The following UQCRB variants were observed in gnomAD, a reference collection of about 807,000 sequenced individuals.
UQCRB encodes cytochrome b-c1 complex subunit 7.
UQCRB carries 12 observed loss-of-function variants against 19.8 expected under a neutral mutation model. That is an observed-to-expected ratio of 0.61 (90% CI 0.39 to 0.98). The LOEUF (loss-of-function observed/expected upper bound fraction) is 0.98, where lower values mean the gene tolerates loss of function less well. UQCRB is among the 50% of genes least tolerant of loss of function. UQCRB has a pLI of 0.00. For missense variants in UQCRB, 142 were observed against 131.8 expected, an observed-to-expected ratio of 1.08 and a Z score of -0.38; for synonymous variants, 39 against 42.9, an observed-to-expected ratio of 0.91 and a Z score of 0.35.
At position 96,223,051 on chromosome 8, in the gene UQCRB, G is replaced by C. The variant is rs555231542; in HGVS notation, c.*8004C>G. 2.6e-4 allele frequency among the ~76,000 whole-genome samples: 37 copies of C among 143,826 alleles called. No individual in the cohort carries two copies. The highest frequency in any genetic ancestry group is 9.8e-4 in the African/African-American group (34 of 34,646). 94.4% of individuals were successfully genotyped at this position (143,826 alleles called of 152,430 possible). ...TGGGAAGGATCAGGAAATGGGGAGA[G>C]GTAGGTCAAAGGATACACAAACTTG... On this transcript the variant is annotated 3_prime_UTR_variant, in exon 4 of 4. Coordinates refer to ENST00000287022, the MANE Select transcript of UQCRB (RefSeq NM_006294.5).
In UQCRB at chr8:96,228,967, A is replaced by G; in HGVS notation, c.*2088T>C. On this transcript the variant is annotated 3_prime_UTR_variant, in exon 4 of 4. Transcript: ENST00000287022. ...GATAATAGAAAGGCCCTCTCTTTCA[A>G]ATGAAAGGACTTCACTGATGGATTA... The G allele has an allele frequency of 2.2e-6, 1 of 454,114 alleles. No homozygotes were observed. Among genetic ancestry groups the G allele is most frequent in the Non-Finnish European group, 4.4e-6 (1 of 226,798 alleles). The allele number at this position is 454,114 out of a possible 1,614,324, so 28.1% of individuals were successfully genotyped here.
At chr8:96,233,960 T>C (rs757346478) in intron 1 of UQCRB, 2 of 152,696 alleles carry the variant, frequency 1.3e-5, no homozygotes, top group Non-Finnish European at 2.9e-5. Flanking sequence ...TTAAAACTGT[T>C]TGGGGAACAG....
Position 96,229,464 on chromosome 8 carries a change from T to C in UQCRB, c.*1591A>G, listed in dbSNP as rs1424365339. 11 of 453,994 alleles carry C rather than the reference T, an allele frequency of 2.4e-5. No homozygotes were observed. The Admixed American group carries it at 2.6e-4, about 11-fold the overall frequency. 28.1% of individuals were successfully genotyped at this position (453,994 alleles called of 1,614,324 possible). A position where few individuals can be genotyped will look rare whatever the true frequency, so the allele number is the denominator to read the frequency against. ...GCCTCAGTTGTAGTCTCCTTGTAAT[T>C]GTGCACAGTAGACGTCTGAACGAAT... On this transcript the variant is annotated 3_prime_UTR_variant, in exon 4 of 4. Transcript: ENST00000287022.
chr8:96,230,595 C>A lies in UQCRB; in HGVS notation c.*460G>T, dbSNP rs1218472251. 1 of 454,844 alleles carries A rather than the reference C, an allele frequency of 2.2e-6. No individual in the cohort carries two copies. Among genetic ancestry groups the A allele is most frequent in the Admixed American group, 2.3e-5 (1 of 42,592 alleles). 28.2% of individuals were successfully genotyped at this position (454,844 alleles called of 1,614,324 possible). A position where few individuals can be genotyped will look rare whatever the true frequency, so the allele number is the denominator to read the frequency against. ...GGAGTATGTATATTACTTAAGTATG[C>A]CTATGTTGGGGTGCAGACATAATTT... is the stretch of plus-strand genomic sequence containing the variant. On this transcript the variant is annotated 3_prime_UTR_variant, in exon 4 of 4. Coordinates refer to ENST00000287022, the MANE Select transcript of UQCRB (RefSeq NM_006294.5).
In UQCRB at chr8:96,228,410, C is replaced by T. The variant is rs1266903392; in HGVS notation, c.*2645G>A. ...TCAAAGCTGTCATGCAGATCCAGTT[C>T]CACTCTTCTCATCTCCAGCAGGTAC... is the stretch of plus-strand genomic sequence containing the variant. On this transcript the variant is annotated 3_prime_UTR_variant, in exon 4 of 4. Transcript: ENST00000287022. 3 of 453,958 alleles carry T rather than the reference C, an allele frequency of 6.6e-6. No homozygotes were observed. Among genetic ancestry groups the T allele is most frequent in the Non-Finnish European group, 1.3e-5 (3 of 226,800 alleles). The allele number at this position is 453,958 out of a possible 1,614,324, so 28.1% of individuals were successfully genotyped here.
chr8:96,232,034 C>T, intron 2 of UQCRB, 94 bp from the exon 3 acceptor site: 2 of 1,235,318 alleles, frequency 1.6e-6, no homozygotes, highest in Non-Finnish European at 2.3e-6. Context: ...TAACTTACAA[C>T]TTTTGGTGAA....
At chr8:96,231,348 CG>C (rs1809668993) in intron 3 of UQCRB, 2 of 1,545,726 alleles carry the variant, frequency 1.3e-6, no homozygotes, top group Admixed American at 2.0e-5. Context: ...GAAGTCTTTT[CG>C]GGAAGAAAAA....
At position 96,227,770 on chromosome 8, in the gene UQCRB, T is replaced by A. The variant is rs750229698; in HGVS notation, c.*3285A>T. On this transcript the variant is annotated 3_prime_UTR_variant, in exon 4 of 4. Transcript: ENST00000287022. ...GCTGAATCTTTTCATAAGTCAAAATTAGTGCAGAGTTAATGCTTGAAAAGG... is the reference window on the plus strand; with the variant it reads ...GCTGAATCTTTTCATAAGTCAAAATAAGTGCAGAGTTAATGCTTGAAAAGG... The A allele has an allele frequency of 8.8e-6, 4 of 453,626 alleles. No homozygotes were observed. The Admixed American group carries it at 9.4e-5, about 11-fold the overall frequency. The allele number at this position is 453,626 out of a possible 1,614,324, so 28.1% of individuals were successfully genotyped here. A position where few individuals can be genotyped will look rare whatever the true frequency, so the allele number is the denominator to read the frequency against.
rs1307116584 is a variant in UQCRB at position 96,230,794 on chromosome 8, T to G, written c.*261A>C. 4.9e-6 allele frequency: 3 copies of G among 611,948 alleles called. No homozygotes were observed. Among genetic ancestry groups the G allele is most frequent in the Admixed American group, 4.2e-5 (2 of 47,276 alleles). 37.9% of individuals were successfully genotyped at this position (611,948 alleles called of 1,614,324 possible). ...ATAAACTGATAGGCTATCCAACCAG[T>G]GAGGAAAACTGATAAAGTGGCTTCT... is the stretch of plus-strand genomic sequence containing the variant. On this transcript the variant is annotated 3_prime_UTR_variant, in exon 4 of 4. Transcript: ENST00000287022.
Position 96,227,706 on chromosome 8 carries a change from AT to A in UQCRB, c.*3348del. 2.2e-6 allele frequency: 1 copy of A among 453,790 alleles called. No homozygotes were observed. The highest frequency in any genetic ancestry group is 4.4e-6 in the Non-Finnish European group (1 of 226,628). The allele number at this position is 453,790 out of a possible 1,614,324, so 28.1% of individuals were successfully genotyped here. ...TAAAACTCCATCCTATTTGTGAAGG[AT>A]TATTACTTTGGGCTTTGGCCCAGTT... On this transcript the variant is annotated 3_prime_UTR_variant, in exon 4 of 4. Transcript: ENST00000287022.
chr8:96,225,396 G>A lies in UQCRB; in HGVS notation c.*5659C>T, dbSNP rs1419066201. 1.3e-5 allele frequency among the ~76,000 whole-genome samples: 2 copies of A among 152,146 alleles called. No homozygotes were observed. The highest frequency in any genetic ancestry group is 2.9e-5 in the Non-Finnish European group (2 of 68,032). On this transcript the variant is annotated 3_prime_UTR_variant, in exon 4 of 4. Coordinates refer to ENST00000287022, the MANE Select transcript of UQCRB (RefSeq NM_006294.5). ...ATTATAAACTTTTGAAAAGCAAATT[G>A]GAAGTCCAGTATTGAAAAACTTCAA...
At position 96,227,635 on chromosome 8, in the gene UQCRB, A is replaced by T. The variant is rs1179075312; in HGVS notation, c.*3420T>A. The T allele has an allele frequency of 8.8e-6, 4 of 453,946 alleles. No homozygotes were observed. Among genetic ancestry groups the T allele is most frequent in the Admixed American group, 4.7e-5 (2 of 42,546 alleles). 28.1% of individuals were successfully genotyped at this position (453,946 alleles called of 1,614,324 possible). A position where few individuals can be genotyped will look rare whatever the true frequency, so the allele number is the denominator to read the frequency against. On this transcript the variant is annotated 3_prime_UTR_variant, in exon 4 of 4. Transcript: ENST00000287022. ...ATGTTCACCTAACTTTTTAATTCCA[A>T]GTAGTTTGGTTATTTTCAAAGCTAC...
Position 96,223,348 on chromosome 8 carries a change from A to T in UQCRB, c.*7707T>A, listed in dbSNP as rs965766675. Among the ~76,000 whole-genome samples the T allele has an allele frequency of 1.3e-5, 2 of 152,220 alleles. No individual in the cohort carries two copies. Among genetic ancestry groups the T allele is most frequent in the African/African-American group, 4.8e-5 (2 of 41,466 alleles). ...CAAGGAAGACAGAATTTAACTTTCC[A>T]TTTGCTCACTTGCAAAGTGTGATCT... is the stretch of plus-strand genomic sequence containing the variant. On this transcript the variant is annotated 3_prime_UTR_variant, in exon 4 of 4. Coordinates refer to ENST00000287022, the MANE Select transcript of UQCRB (RefSeq NM_006294.5).
In UQCRB at chr8:96,227,749, A is replaced by G. The variant is rs954276538; in HGVS notation, c.*3306T>C. 1 of 453,710 alleles carries G rather than the reference A, an allele frequency of 2.2e-6. No homozygotes were observed. Among genetic ancestry groups the G allele is most frequent in the East Asian group, 6.9e-5 (1 of 14,410 alleles). The allele number at this position is 453,710 out of a possible 1,614,324, so 28.1% of individuals were successfully genotyped here. A position where few individuals can be genotyped will look rare whatever the true frequency, so the allele number is the denominator to read the frequency against. ...GGCCCAGTTTTTATTCTTACTGCTG[A>G]ATCTTTTCATAAGTCAAAATTAGTG... is the stretch of plus-strand genomic sequence containing the variant. On this transcript the variant is annotated 3_prime_UTR_variant, in exon 4 of 4. Transcript: ENST00000287022.
rs1432960751 is a variant in UQCRB, at chr8:96,223,691, G to C, written c.*7364C>G. ...TGCAAGTGCCATTGCAGGGGACTGA[G>C]AATAGAAGGAAAAAAGGTTAGAGGT... On this transcript the variant is annotated 3_prime_UTR_variant, in exon 4 of 4. Coordinates refer to ENST00000287022, the MANE Select transcript of UQCRB (RefSeq NM_006294.5). Among the ~76,000 whole-genome samples, 2 of 152,160 alleles carry C rather than the reference G, an allele frequency of 1.3e-5. No individual in the cohort carries two copies. The highest frequency in any genetic ancestry group is 1.3e-4 in the Admixed American group (2 of 15,274).
At chr8:96,234,400 T>C in intron 1 of UQCRB, 2 of 770,166 alleles carry the variant, frequency 2.6e-6, no homozygotes, top group Non-Finnish European at 1.9e-6. Context: ...TGTCTGTTAC[T>C]ACAGAAGGGG....
rs767657474 is a variant in UQCRB, at chr8:96,223,950, T to C, written c.*7105A>G. Reference sequence around the variant, plus strand: ...AGCCAGGCTTTGGAAGGCCACTCCCTTCAACTGGAACTAGTGTGGTCTCCT... The same window carrying C: ...AGCCAGGCTTTGGAAGGCCACTCCCCTCAACTGGAACTAGTGTGGTCTCCT... On this transcript the variant is annotated 3_prime_UTR_variant, in exon 4 of 4. Transcript: ENST00000287022. Among the ~76,000 whole-genome samples, 9 of 152,148 alleles carry C rather than the reference T, an allele frequency of 5.9e-5. No individual in the cohort carries two copies. Among genetic ancestry groups the C allele is most frequent in the Non-Finnish European group, 8.8e-5 (6 of 68,026 alleles).
At chr8:96,231,194 C>A in intron 3 of UQCRB, 62 bp from the exon 4 acceptor site, 1 of 1,613,836 alleles carries the variant, frequency 6.2e-7, no homozygotes, top group Non-Finnish European at 8.5e-7. Context: ...AAACACTCAA[C>A]AGGTCTTCAA....
intron 3 of UQCRB, 181 bp from the exon 4 acceptor site, chr8:96,231,313 A>C: frequency 6.4e-7 from 1 of 1,551,708 alleles, no homozygotes; most frequent in Non-Finnish European, 8.7e-7. Context: ...TGGTGTGATA[A>C]GTTGCTTTGA....
Sources: allele counts gnomAD v4.1 joint callset (sites outside exome capture counted in the v4.1 genomes callset), GRCh38; gene constraint gnomAD v4.1.1; transcripts MANE v1.5; gene names NCBI Gene and HGNC (gene_info 2026-07-23, HGNC 2026-07-21).